Variants in SMARCAD1 observed in about 807,000 individuals in gnomAD.
SMARCAD1 encodes the protein SNF2 related chromatin remodeling ATPase with DExD box 1.
In SMARCAD1, 25 loss-of-function variants were observed where a neutral mutation model predicts 127.1. The ratio of observed to expected loss-of-function variants is 0.20; its 90% CI spans 0.14 to 0.27. SMARCAD1 has a LOEUF of 0.27. Ranked by LOEUF, SMARCAD1 falls within the 10% of genes least tolerant of loss-of-function variation. The pLI is 1.00. For synonymous variants in SMARCAD1, 400 were observed against 396.9 expected, an observed-to-expected ratio of 1.01 and a Z score of -0.09; for missense variants, 807 against 1,206.0, an observed-to-expected ratio of 0.67 and a Z score of 4.90.
At chr4:94,246,641 C>A (rs1403776471) in intron 6 of SMARCAD1, among the ~76,000 whole-genome samples, 4 of 152,122 alleles carry the variant, frequency 2.6e-5, no homozygotes, top group Non-Finnish European at 5.9e-5. Flanking sequence ...ATTCCTTCAC[C>A]CTGATATGTG....
intron 10 of SMARCAD1, among the ~76,000 whole-genome samples, chr4:94,267,523 C>T (rs1751915751): frequency 6.6e-6 from 1 of 152,126 alleles, no homozygotes; most frequent in Non-Finnish European, 1.5e-5. Context: ...ACGCCTTTCT[C>T]ACCTTTGAAA....
At chr4:94,281,321 T>C in intron 20 of SMARCAD1, 151 bp from the exon 21 acceptor site, 6 of 689,316 alleles carry the variant, frequency 8.7e-6, no homozygotes, top group South Asian at 3.3e-5. Flanking sequence ...TCGGTATTAC[T>C]GATTTGTATT....
At chr4:94,289,093 C>T (rs574619218) in intron 23 of SMARCAD1, among the ~76,000 whole-genome samples, 4 of 147,488 alleles carry the variant, frequency 2.7e-5, no homozygotes, top group Non-Finnish European at 6.1e-5. Flanking sequence ...GATTGGTTTT[C>T]GTTGGTTTAG....
chr4:94,224,330 T>G (rs980011838), intron 2 of SMARCAD1, among the ~76,000 whole-genome samples: 15 of 152,358 alleles, frequency 9.8e-5, no homozygotes, highest in East Asian at 1.9e-4. Flanking sequence ...AGTACTTGGT[T>G]GTTGTTACAG....
At chr4:94,226,726 A>G (rs1350855388) in intron 3 of SMARCAD1, among the ~76,000 whole-genome samples, 2 of 152,106 alleles carry the variant, frequency 1.3e-5, no homozygotes, top group East Asian at 3.8e-4. Context: ...TGAACAAACC[A>G]TCCCCAGCTT....
intron 21 of SMARCAD1, 69 bp downstream of exon 21, chr4:94,281,659 T>A: frequency 1.0e-6 from 1 of 995,122 alleles, no homozygotes; most frequent in Non-Finnish European, 1.6e-6. Flanking sequence ...TTTAATTGTC[T>A]AACAAACAAT....
intron 3 of SMARCAD1, 88 bp downstream of exon 3, chr4:94,226,384 T>G: frequency 9.7e-7 from 1 of 1,027,596 alleles, no homozygotes; most frequent in Non-Finnish European, 1.4e-6. Flanking sequence ...TTTTGGTGAC[T>G]TCCCTTTTTT....
At position 94,253,216 on chromosome 4, in the gene SMARCAD1, A is replaced by G. The variant is rs1271266623; in HGVS notation, c.1281+209A>G. The G allele has an allele frequency of 9.3e-6, 14 of 1,510,802 alleles. No individual in the cohort carries two copies. In the South Asian group the frequency reaches 1.5e-4, roughly 16 times the overall value. 93.6% of individuals were successfully genotyped at this position (1,510,802 alleles called of 1,614,324 possible). ...AATGAATTAAGGGGTGATTTTCCTG[A>G]AAAAACCCAAGCTGATTGGCTGGGA... is the stretch of plus-strand genomic sequence containing the variant. On this transcript the variant is annotated intron_variant, in intron 9 of 23. Transcript: ENST00000354268.
At chr4:94,248,315 T>TTTA (rs1748768741) in intron 6 of SMARCAD1, among the ~76,000 whole-genome samples, 1 of 152,340 alleles carries the variant, frequency 6.6e-6, no homozygotes, top group East Asian at 1.9e-4. Flanking sequence ...TTACCACAAT[T>TTTA]TGTCCATGAC....
intron 5 of SMARCAD1, among the ~76,000 whole-genome samples, chr4:94,238,626 A>G (rs182313664): frequency 1.6e-3 from 240 of 152,284 alleles, no homozygotes; most frequent in African/African-American, 5.4e-3. Context: ...AGAAAGAAAG[A>G]AAGAAAGAAA....
At position 94,251,068 on chromosome 4, in the gene SMARCAD1, C is replaced by A. The variant is rs530419489; in HGVS notation, c.889+235C>A. ...CAATAAATATCTTTTTCTATTTGTTCAGTCTTTCTTAATAGTTAAGGCTAC... is the reference window on the plus strand; with the variant it reads ...CAATAAATATCTTTTTCTATTTGTTAAGTCTTTCTTAATAGTTAAGGCTAC... On this transcript the variant is annotated intron_variant, in intron 8 of 23. Coordinates refer to ENST00000354268, the MANE Select transcript of SMARCAD1 (RefSeq NM_020159.5). Among the ~76,000 whole-genome samples, 7 of 152,198 alleles carry A rather than the reference C, an allele frequency of 4.6e-5. No individual in the cohort carries two copies. In the South Asian group the frequency reaches 8.3e-4, roughly 18 times the overall value.
At chr4:94,210,389 T>C (rs1050790487) in intron 2 of SMARCAD1, among the ~76,000 whole-genome samples, 1 of 152,260 alleles carries the variant, frequency 6.6e-6, no homozygotes, top group Non-Finnish European at 1.5e-5. Flanking sequence ...GTTTAGATTT[T>C]ACATTGTAAG....
chr4:94,242,758 A>AT (rs1220790505), intron 6 of SMARCAD1, among the ~76,000 whole-genome samples: 4,107 of 150,320 alleles, frequency 0.027, 99 homozygotes, highest in Admixed American at 0.073. Flanking sequence ...AAAAAAAAAA[A>AT]TTTTTTTAAT....
intron 2 of SMARCAD1, among the ~76,000 whole-genome samples, chr4:94,223,891 T>C (rs1744586059): frequency 6.6e-6 from 1 of 152,032 alleles, no homozygotes; most frequent in African/African-American, 2.4e-5. Context: ...TCTCATAGTC[T>C]TCCTGAAGTG....
At chr4:94,264,070 A>G (rs957502189) in intron 9 of SMARCAD1, among the ~76,000 whole-genome samples, 1 of 151,916 alleles carries the variant, frequency 6.6e-6, no homozygotes, top group Non-Finnish European at 1.5e-5. Context: ...ATTGGTTTTT[A>G]AAAACCTTAT....
rs750463058 is a variant in SMARCAD1, at chr4:94,208,366, A to G, written c.-29A>G. 12 of 1,610,068 alleles carry G rather than the reference A, an allele frequency of 7.5e-6. No individual in the cohort carries two copies. The highest frequency in any genetic ancestry group is 8.5e-6 in the Non-Finnish European group (10 of 1,176,784). On this transcript the variant is annotated 5_prime_UTR_variant, in exon 2 of 24. Coordinates refer to ENST00000354268, the MANE Select transcript of SMARCAD1 (RefSeq NM_020159.5). ...TGCAGATAGTTCATTTAAAGCCCCC[A>G]TCCCTGCAAGGTGGTGCTTTCTACC...
At chr4:94,260,960 T>A (rs2125939938) in intron 9 of SMARCAD1, among the ~76,000 whole-genome samples, 1 of 152,300 alleles carries the variant, frequency 6.6e-6, no homozygotes, top group Non-Finnish European at 1.5e-5. Context: ...ATGTCTGCTG[T>A]AATTTTTTTT....
rs564365207 is a variant in SMARCAD1, at chr4:94,270,060, C to G, written c.1482-668C>G. On this transcript the variant is annotated intron_variant, in intron 10 of 23. Coordinates refer to ENST00000354268, the MANE Select transcript of SMARCAD1 (RefSeq NM_020159.5). ...TTTCCAAATTAAATAAGGTTTTTGA[C>G]ACTTGAATGCTACTTTCTACTCACT... is the stretch of plus-strand genomic sequence containing the variant. 7.2e-5 allele frequency among the ~76,000 whole-genome samples: 11 copies of G among 151,758 alleles called. 1 individual carries two copies. In the East Asian group the frequency reaches 2.0e-3, roughly 27 times the overall value.
intron 23 of SMARCAD1, among the ~76,000 whole-genome samples, chr4:94,285,359 A>G (rs894687234): frequency 6.6e-6 from 1 of 152,216 alleles, no homozygotes; most frequent in African/African-American, 2.4e-5. Context: ...AACTTCCCCA[A>G]TAGAGGTGAC....
Sources: allele counts gnomAD v4.1 joint callset (sites outside exome capture counted in the v4.1 genomes callset), GRCh38; gene constraint gnomAD v4.1.1; transcripts MANE v1.5; gene names NCBI Gene and HGNC (gene_info 2026-07-23, HGNC 2026-07-21).